DCDC1: variants seen among roughly 807,000 people sequenced by gnomAD.
DCDC1 encodes doublecortin domain-containing protein 1.
DCDC1 carries 200 observed loss-of-function variants against 178.3 expected under a neutral mutation model. The observed-to-expected ratio is 1.12, with a 90% CI of 1.00 to 1.26. DCDC1 has a LOEUF of 1.26. Among genes scored for constraint, DCDC1 ranks in the 50% most tolerant of loss-of-function variants. The probability of loss-of-function intolerance (pLI) is 0.00; values close to 1 mark genes in which losing one functional copy is unlikely to be tolerated. For missense variants in DCDC1, 1,983 were observed against 1,749.2 expected (o/e 1.13, Z -2.38); for synonymous variants, 690 against 604.8 (o/e 1.14, Z -2.07).
intron 9 of DCDC1, among the ~76,000 whole-genome samples, chr11:31,179,870 T>C (rs1968549735): frequency 6.6e-6 from 1 of 152,054 alleles, no homozygotes; most frequent in Admixed American, 6.6e-5. Flanking sequence ...CTGAAAAACA[T>C]AGATGCAAAA....
chr11:31,007,671 T>TC (rs1951928981), intron 20 of DCDC1, among the ~76,000 whole-genome samples: 1 of 151,918 alleles, frequency 6.6e-6, no homozygotes, highest in Non-Finnish European at 1.5e-5. Context: ...GCTTTTTTTT[T>TC]CTTTTTTTTT....
At chr11:31,212,111 G>T (rs886700605) in intron 9 of DCDC1, among the ~76,000 whole-genome samples, 1 of 149,224 alleles carries the variant, frequency 6.7e-6, no homozygotes, top group Non-Finnish European at 1.5e-5. Flanking sequence ...GCTAAGCATA[G>T]TTAAGTAATA....
intron 1 of DCDC1, among the ~76,000 whole-genome samples, chr11:31,340,139 C>T (rs1950468933): frequency 1.3e-5 from 2 of 152,072 alleles, no homozygotes; most frequent in Non-Finnish European, 2.9e-5. Context: ...GTTTCCTTTA[C>T]CCAGGGATGA....
chr11:31,074,082 C>G (rs530319481), intron 18 of DCDC1, among the ~76,000 whole-genome samples: 1 of 152,060 alleles, frequency 6.6e-6, no homozygotes, highest in East Asian at 1.9e-4. Context: ...TGGCTAGTAA[C>G]AGTTAAAGAG....
At chr11:30,946,642 A>G (rs1253184383) in intron 21 of DCDC1, among the ~76,000 whole-genome samples, 1 of 152,160 alleles carries the variant, frequency 6.6e-6, no homozygotes, top group Admixed American at 6.5e-5. Context: ...AGCACAGGGG[A>G]TCATGATTTT....
chr11:31,278,835 C>T (rs1341732036), intron 7 of DCDC1, among the ~76,000 whole-genome samples: 1 of 152,008 alleles, frequency 6.6e-6, no homozygotes, highest in East Asian at 1.9e-4. Flanking sequence ...ATAATAAATA[C>T]ATACTAAAAT....
At chr11:31,185,980 C>A (rs1310057823) in intron 9 of DCDC1, among the ~76,000 whole-genome samples, 1 of 152,138 alleles carries the variant, frequency 6.6e-6, no homozygotes, top group Non-Finnish European at 1.5e-5. Flanking sequence ...CCTTCATTTT[C>A]TCGTTTAGAT....
rs1465925884 is a variant in DCDC1 at position 30,931,935 on chromosome 11, T to C, written c.2733A>G (p.Ile911Met). 4 of 1,607,796 alleles carry C rather than the reference T, an allele frequency of 2.5e-6. No homozygotes were observed. Among genetic ancestry groups the C allele is most frequent in the South Asian group, 1.1e-5 (1 of 89,720 alleles). ...GACTGCTCGGAACAAGCAGTCCTTG[T>C]ATTGGCCAATCAAACTCCTTCAGAA... ...GQLNEEFDWPIQGLLVPSSPP... is the reference protein window; with the variant it reads ...GQLNEEFDWPMQGLLVPSSPP... The change falls in exon 22 of 39, where the codon ATA becomes ATG. Residue 911 changes from isoleucine (I) to methionine (M), a missense_variant. Coordinates refer to ENST00000684477, the MANE Select transcript of DCDC1 (RefSeq NM_001387274.1).
intron 9 of DCDC1, among the ~76,000 whole-genome samples, chr11:31,217,315 G>C (rs1440988710): frequency 6.6e-6 from 1 of 152,116 alleles, no homozygotes; most frequent in Non-Finnish European, 1.5e-5. Context: ...TGTATAATCT[G>C]AACTATATGG....
At chr11:30,896,887 G>C (rs1944265170) in intron 34 of DCDC1, among the ~76,000 whole-genome samples, 1 of 152,164 alleles carries the variant, frequency 6.6e-6, no homozygotes, top group Admixed American at 6.5e-5. Flanking sequence ...AGTCAGCCTA[G>C]CACAGTGGTT....
At chr11:31,043,586 A>T (rs491056) in intron 20 of DCDC1, among the ~76,000 whole-genome samples, 1 of 151,836 alleles carries the variant, frequency 6.6e-6, no homozygotes, top group South Asian at 2.1e-4. Flanking sequence ...ACATAAACAG[A>T]CATTGGTTAT....
intron 7 of DCDC1, among the ~76,000 whole-genome samples, chr11:31,287,348 A>G (rs1310735026): frequency 6.6e-6 from 1 of 152,006 alleles, no homozygotes; most frequent in African/African-American, 2.4e-5. Context: ...GAAAATTAGA[A>G]GTTCAGTTCG....
intron 1 of DCDC1, among the ~76,000 whole-genome samples, chr11:31,363,878 G>A (rs1209274155): frequency 6.6e-6 from 1 of 152,140 alleles, no homozygotes; most frequent in East Asian, 1.9e-4. Context: ...AGGATGGTTT[G>A]ATTAACAATT....
At chr11:30,881,516 G>A (rs273612) in intron 36 of DCDC1, among the ~76,000 whole-genome samples, 111,964 of 152,140 alleles carry the variant, frequency 0.74, 42,237 homozygotes, top group African/African-American at 0.89. Context: ...AGGACTCTCC[G>A]GTGAAGCTTA....
chr11:31,294,412 T>C (rs1473472020), intron 6 of DCDC1, among the ~76,000 whole-genome samples: 1 of 151,034 alleles, frequency 6.6e-6, no homozygotes, highest in African/African-American at 2.4e-5. Context: ...TGAAACCCCA[T>C]CTCTACTAAA....
At chr11:30,958,759 TG>T (rs1948911355) in intron 20 of DCDC1, among the ~76,000 whole-genome samples, 2 of 152,166 alleles carry the variant, frequency 1.3e-5, no homozygotes, top group African/African-American at 2.4e-5. Flanking sequence ...TAGGCTTTGC[TG>T]GGTACTGATT....
chr11:31,364,854 AGAAAG>A (rs1266906262), intron 1 of DCDC1, among the ~76,000 whole-genome samples: 2 of 151,988 alleles, frequency 1.3e-5, no homozygotes, highest in Admixed American at 6.6e-5. Flanking sequence ...AAAAAAAAGA[AGAAAG>A]GAAGTTTCTT....
intron 28 of DCDC1, among the ~76,000 whole-genome samples, chr11:30,910,841 T>G (rs1199384898): frequency 6.6e-6 from 1 of 152,216 alleles, no homozygotes; most frequent in Admixed American, 6.5e-5. Context: ...GAAAAGAGAA[T>G]TTCAAATGGG....
At chr11:31,042,568 G>A (rs1954534257) in intron 20 of DCDC1, among the ~76,000 whole-genome samples, 1 of 151,976 alleles carries the variant, frequency 6.6e-6, no homozygotes, top group Non-Finnish European at 1.5e-5. Context: ...CAATCAAATA[G>A]CTATCCAAGG....
Sources: gnomAD v4.1 joint callset for allele counts (sites outside exome capture counted in the v4.1 genomes callset) on GRCh38, gnomAD v4.1.1 for gene constraint, MANE v1.5 for transcripts, NCBI Gene and HGNC (gene_info 2026-07-23, HGNC 2026-07-21) for gene names.